The following HS6ST3 variants were observed in gnomAD, a reference collection of about 807,000 sequenced individuals.
The protein encoded by HS6ST3 is heparan sulfate 6-O-sulfotransferase 3, also known as heparan-sulfate 6-O-sulfotransferase 3.
In HS6ST3, 12 loss-of-function variants were observed where a neutral mutation model predicts 36.7. That is an observed-to-expected ratio of 0.33 (90% CI 0.21 to 0.53). The LOEUF (loss-of-function observed/expected upper bound fraction) is 0.53. Ranked by LOEUF, HS6ST3 falls within the 20% of genes least tolerant of loss-of-function variation. The pLI is 0.95. For missense variants in HS6ST3, 584 were observed against 640.9 expected (o/e 0.91, Z 0.96); for synonymous variants, 240 against 257.5 (o/e 0.93, Z 0.65).
intron 1 of HS6ST3, among the ~76,000 whole-genome samples, chr13:96,671,407 T>C (rs1016563020): frequency 1.3e-5 from 2 of 152,170 alleles, no homozygotes; most frequent in Non-Finnish European, 2.9e-5. Flanking sequence ...ACTACAAAGA[T>C]GTATCCTGGA....
intron 1 of HS6ST3, among the ~76,000 whole-genome samples, chr13:96,660,356 TACAAATAAATAGTA>T (rs2056642166): frequency 6.6e-6 from 1 of 152,170 alleles, no homozygotes; most frequent in South Asian, 2.1e-4. Flanking sequence ...CATTTTCTGT[TACAAATAAATAGTA>T]GAAGTTTGAC....
chr13:96,680,562 A>G (rs1243121473), intron 1 of HS6ST3, among the ~76,000 whole-genome samples: 3 of 152,154 alleles, frequency 2.0e-5, no homozygotes, highest in Non-Finnish European at 2.9e-5. Flanking sequence ...CTAGATTTCA[A>G]CAGAGGTGTA....
chr13:96,549,967 C>T (rs2056213254), intron 1 of HS6ST3, among the ~76,000 whole-genome samples: 1 of 152,194 alleles, frequency 6.6e-6, no homozygotes, highest in Non-Finnish European at 1.5e-5. Flanking sequence ...TCCCTTGTCA[C>T]ATTGTATGTT....
intron 1 of HS6ST3, among the ~76,000 whole-genome samples, chr13:96,720,323 G>A (rs1479645366): frequency 1.3e-5 from 2 of 152,150 alleles, no homozygotes; most frequent in Non-Finnish European, 2.9e-5. Context: ...ATAGTAGGTA[G>A]TAATTAAGTA....
At chr13:96,170,916 AAC>A (rs1261353362) in intron 1 of HS6ST3, among the ~76,000 whole-genome samples, 25 of 152,234 alleles carry the variant, frequency 1.6e-4, no homozygotes, top group African/African-American at 4.1e-4. Flanking sequence ...TATTATTTAA[AAC>A]ACACGCGCAC....
intron 1 of HS6ST3, among the ~76,000 whole-genome samples, chr13:96,558,906 TG>T (rs1206241624): frequency 1.1e-4 from 17 of 152,308 alleles, no homozygotes; most frequent in African/African-American, 4.1e-4. Flanking sequence ...AATTAACTGT[TG>T]GGCAAGATTC....
intron 1 of HS6ST3, among the ~76,000 whole-genome samples, chr13:96,641,083 A>C (rs1007293379): frequency 4.0e-5 from 6 of 151,752 alleles, no homozygotes; most frequent in African/African-American, 9.7e-5. Flanking sequence ...TTTCCTAGTT[A>C]TGTGTGAAAT....
intron 1 of HS6ST3, among the ~76,000 whole-genome samples, chr13:96,525,825 G>A (rs2056111501): frequency 6.6e-6 from 1 of 152,166 alleles, no homozygotes; most frequent in Admixed American, 6.5e-5. Flanking sequence ...TATGATGTGG[G>A]CATTGTGTTA....
chr13:96,211,011 A>G (rs1054636688), intron 1 of HS6ST3, among the ~76,000 whole-genome samples: 1 of 151,204 alleles, frequency 6.6e-6, no homozygotes, highest in Non-Finnish European at 1.5e-5. Flanking sequence ...GGCTCACTCA[A>G]CCTCCACTTC....
chr13:96,762,343 G>A lies in HS6ST3; in HGVS notation c.708-70147G>A, dbSNP rs149751594. Among the ~76,000 whole-genome samples the A allele has an allele frequency of 5.1e-3, 784 of 152,270 alleles. 6 individuals carry two copies. Among genetic ancestry groups the A allele is most frequent in the African/African-American group, 0.018 (768 of 41,566 alleles). ...AAATATAAAAAAATTAGCTGGGCATGGTGGTGGGTGCCTGTAATCCCAGCT... is the reference window on the plus strand; with the variant it reads ...AAATATAAAAAAATTAGCTGGGCATAGTGGTGGGTGCCTGTAATCCCAGCT... On this transcript the variant is annotated intron_variant, in intron 1 of 1. Coordinates refer to ENST00000376705, the MANE Select transcript of HS6ST3 (RefSeq NM_153456.4).
chr13:96,091,468 C>A lies in HS6ST3; in HGVS notation c.606C>A (p.Thr202=). The stretch of plus-strand genomic sequence containing the variant: ...CGTGGCTCTTCTCCCGCTTCTCCAC[C>A]GGCTGGAGCTGCGGGCTGCACGCCG... ...KETWLFSRFS[T]GWSCGLHADW... is the part of the protein sequence containing the mutation. Residue 202 remains threonine (T), a synonymous_variant, in exon 1 of 2, where the codon ACC becomes ACA. Transcript: ENST00000376705. 1 of 1,608,124 alleles carries A rather than the reference C, an allele frequency of 6.2e-7. No individual in the cohort carries two copies.
intron 1 of HS6ST3, among the ~76,000 whole-genome samples, chr13:96,509,632 T>C (rs890294340): frequency 5.9e-5 from 9 of 152,200 alleles, no homozygotes; most frequent in Non-Finnish European, 5.9e-5. Context: ...TTTGTATGCT[T>C]TGTCAAAGAT....
At chr13:96,511,765 C>T (rs2056050779) in intron 1 of HS6ST3, among the ~76,000 whole-genome samples, 1 of 151,970 alleles carries the variant, frequency 6.6e-6, no homozygotes, top group Admixed American at 6.6e-5. Context: ...GTGTCTGTGC[C>T]TTGAGGCTTA....
chr13:96,184,062 G>A (rs965427528), intron 1 of HS6ST3, among the ~76,000 whole-genome samples: 6 of 151,742 alleles, frequency 4.0e-5, no homozygotes, highest in South Asian at 2.1e-4. Context: ...TTAGCTGGAC[G>A]TGGTGGTGCA....
intron 1 of HS6ST3, among the ~76,000 whole-genome samples, chr13:96,559,293 AT>A (rs1333392911): frequency 6.6e-6 from 1 of 151,856 alleles, no homozygotes. Flanking sequence ...TAATTTTTGT[AT>A]TTTTAATAGA....
At chr13:96,760,795 A>C (rs1223420611) in intron 1 of HS6ST3, among the ~76,000 whole-genome samples, 5 of 152,036 alleles carry the variant, frequency 3.3e-5, no homozygotes, top group Admixed American at 6.6e-5. Context: ...TATTTTTTGC[A>C]TTTCTTATCA....
intron 1 of HS6ST3, among the ~76,000 whole-genome samples, chr13:96,256,720 T>C (rs1204962947): frequency 1.3e-5 from 2 of 152,170 alleles, no homozygotes; most frequent in African/African-American, 2.4e-5. Context: ...AGGTGGTAAA[T>C]TTAGAGATCT....
chr13:96,414,347 C>A (rs1304234485), intron 1 of HS6ST3, among the ~76,000 whole-genome samples: 1 of 152,160 alleles, frequency 6.6e-6, no homozygotes, highest in Non-Finnish European at 1.5e-5. Flanking sequence ...TTGAAGGGTT[C>A]TTAATATCAT....
chr13:96,607,405 T>A (rs2056442913), intron 1 of HS6ST3, among the ~76,000 whole-genome samples: 1 of 152,314 alleles, frequency 6.6e-6, no homozygotes, highest in African/African-American at 2.4e-5. Context: ...CCACAACATG[T>A]AAGAACTCGG....
Sources: allele counts gnomAD v4.1 joint callset (sites outside exome capture counted in the v4.1 genomes callset), GRCh38; gene constraint gnomAD v4.1.1; transcripts MANE v1.5; gene names NCBI Gene and HGNC (gene_info 2026-07-23, HGNC 2026-07-21).